Variants in PLEC observed in about 807,000 individuals in gnomAD.
PLEC encodes plectin.
PLEC carries 216 observed loss-of-function variants against 392.8 expected under a neutral mutation model. The observed-to-expected ratio is 0.55, with a 90% CI of 0.49 to 0.62. The LOEUF (loss-of-function observed/expected upper bound fraction) is 0.62. Ranked by LOEUF, PLEC falls within the 20% of genes least tolerant of loss-of-function variation. The pLI, the probability that PLEC is intolerant of heterozygous loss-of-function variation, is 0.00. For missense variants in PLEC, 6,863 were observed against 6,563.4 expected (o/e 1.05, Z -1.58); for synonymous variants, 3,621 against 2,980.6 (o/e 1.21, Z -7.00).
chr8:143,923,011 G>A lies in PLEC; in HGVS notation c.6918C>T (p.Ala2306=), dbSNP rs782163766. ...TCTCCTTGAGCATCTTCTCTGCCAA[G>A]GCCCGCTGCTGTGCCAGGTCCTCCT... ...LAEEDLAQQR[A]LAEKMLKEKM... is the part of the protein sequence containing the mutation. Residue 2306 remains alanine, a synonymous_variant, in exon 31 of 32, where the codon GCC becomes GCT. Transcript: ENST00000345136. 2.0e-5 allele frequency: 32 copies of A among 1,611,666 alleles called. No homozygotes were observed. Among genetic ancestry groups the A allele is most frequent in the African/African-American group, 1.3e-4 (10 of 74,822 alleles).
intron 1 of PLEC, among the ~76,000 whole-genome samples, chr8:143,949,157 C>T (rs1831835650): frequency 6.6e-6 from 1 of 152,226 alleles, no homozygotes; most frequent in Non-Finnish European, 1.5e-5. Context: ...CCCACACGGG[C>T]AGCTGCGCCC....
At chr8:143,950,698 G>C in exon 1 of PLEC, 1 of 1,563,128 alleles carries the variant, frequency 6.4e-7, no homozygotes, top group Non-Finnish European at 8.6e-7. Context: ...TGAGCATGCC[G>C]GCCACCATGG....
At chr8:143,942,621 CTCCACCTCT>C (rs1434891896), upstream of PLEC, 16 of 1,335,296 alleles carry the variant, frequency 1.2e-5, no homozygotes, top group Admixed American at 3.8e-4. Context: ...CGGCTTCGCT[CTCCACCTCT>C]TCCACCTCCC....
chr8:143,972,884 C>A (rs930959140), intron 1 of PLEC, among the ~76,000 whole-genome samples: 2 of 152,214 alleles, frequency 1.3e-5, no homozygotes, highest in Non-Finnish European at 2.9e-5. Flanking sequence ...GACCCCTAGC[C>A]CACAGCTGTC....
In PLEC at chr8:143,938,083, G is replaced by A. The variant is rs1829522633; in HGVS notation, c.264+68C>T. 4.4e-6 allele frequency: 5 copies of A among 1,144,478 alleles called. No homozygotes were observed. In the East Asian group the frequency reaches 1.2e-4, roughly 28 times the overall value. 70.9% of individuals were successfully genotyped at this position (1,144,478 alleles called of 1,614,324 possible). ...GAGTGGGCGGCCGGAGAGGCCCCAA[G>A]GAGGGAAGGCAGGCAGAGGTCTCCA... is the stretch of plus-strand genomic sequence containing the variant. On this transcript the variant is annotated intron_variant, in intron 3 of 31. Transcript: ENST00000345136.
chr8:143,916,712 G>C lies in PLEC; in HGVS notation c.13109C>G (p.Ala4370Gly). Residue 4370 changes from alanine to glycine, a missense_variant, in exon 32 of 32, where the codon GCC becomes GGC. Ala to Gly is a moderately conservative substitution (Grantham distance 60, BLOSUM62 0). Coordinates refer to ENST00000345136, the MANE Select transcript of PLEC (RefSeq NM_201384.3). ...CCAGCCCTTCTTCAGGGCCTGGGCGGCCGACATCTTGGTCTTGGTGCGTGG... is the reference window on the plus strand; with the variant it reads ...CCAGCCCTTCTTCAGGGCCTGGGCGCCCGACATCTTGGTCTTGGTGCGTGG... ...EDPRTKTKMS[A>G]AQALKKGWLY... The C allele has an allele frequency of 1.2e-6, 2 of 1,612,864 alleles. No homozygotes were observed. Among genetic ancestry groups the C allele is most frequent in the Non-Finnish European group, 8.5e-7 (1 of 1,179,902 alleles).
At position 143,924,066 on chromosome 8, in the gene PLEC, C is replaced by T. The variant is rs200374705; in HGVS notation, c.5863G>A (p.Ala1955Thr). The T allele has an allele frequency of 6.4e-5, 102 of 1,597,778 alleles. No individual in the cohort carries two copies. In the East Asian group the frequency reaches 1.8e-3, roughly 28 times the overall value. ...TCCTTGCTGCGCAGCGTGTCCTCCG[C>T]GTTGCTGCGGATGCGTCCCAGCTCC... ...ELELGRIRSN[A>T]EDTLRSKEQA... The change falls in exon 31 of 32, where the codon GCG (alanine) becomes ACG (threonine). Residue 1955 changes from alanine to threonine, a missense_variant. Coordinates refer to ENST00000345136, the MANE Select transcript of PLEC (RefSeq NM_201384.3).
chr8:143,921,291 C>T lies in PLEC; in HGVS notation c.8530G>A (p.Ala2844Thr). The T allele has an allele frequency of 1.2e-5, 20 of 1,614,048 alleles. No homozygotes were observed. Among genetic ancestry groups the T allele is most frequent in the Non-Finnish European group, 1.7e-5 (20 of 1,180,032 alleles). Reference sequence around the variant, plus strand: ...CCCTTGGTGTCGTCGCTGGGGTCCGCCAGGACGCGGTTCATCTCCTCGTCG... The same window carrying T: ...CCCTTGGTGTCGTCGCTGGGGTCCGTCAGGACGCGGTTCATCTCCTCGTCG... Reference protein sequence around the residue: ...YFDEEMNRVLADPSDDTKGFF... With the variant: ...YFDEEMNRVLTDPSDDTKGFF... The change falls in exon 32 of 32, where the codon GCG (alanine) becomes ACG (threonine). Residue 2844 changes from alanine (A) to threonine (T), a missense_variant. By Grantham distance (58) the Ala-to-Thr change is moderately conservative (BLOSUM62 0). Transcript: ENST00000345136.
Position 143,917,222 on chromosome 8 carries a change from C to G in PLEC, c.12599G>C (p.Gly4200Ala). Reference protein sequence around the residue: ...VKSMIIDRRSGRQYDIDDAIA... With the variant: ...VKSMIIDRRSARQYDIDDAIA... ...GGCATCATCGATGTCGTACTGGCGC[C>G]CGGAGCGGCGGTCGATGATCATGGA... Residue 4200 changes from glycine to alanine, a missense_variant, in exon 32 of 32, where the codon GGG becomes GCG. Physicochemically the swap from Gly to Ala is moderately conservative, Grantham distance 60 (BLOSUM62 0). Transcript: ENST00000345136. 1 of 1,613,010 alleles carries G rather than the reference C, an allele frequency of 6.2e-7. No individual in the cohort carries two copies. The highest frequency in any genetic ancestry group is 1.1e-5 in the South Asian group (1 of 91,086).
upstream of PLEC, among the ~76,000 whole-genome samples, chr8:143,952,018 G>A (rs1167138133): frequency 6.6e-6 from 1 of 152,184 alleles, no homozygotes; most frequent in South Asian, 2.1e-4. Context: ...CACCAAGCCC[G>A]GCAAACCCGG....
At chr8:143,958,668 T>A (rs1554739923), upstream of PLEC, 2 of 454,634 alleles carry the variant, frequency 4.4e-6, no homozygotes, top group Non-Finnish European at 8.9e-6. This position sits in a 1 kb window ranked among gnomAD's most constrained non-coding sequence, Gnocchi z 4.9. Flanking sequence ...GCCGCTGCCC[T>A]CTGGAGGCCC....
rs1554687458 is a variant in PLEC at position 143,921,872 on chromosome 8, C to T, written c.7949G>A (p.Arg2650Gln). 4.4e-6 allele frequency: 7 copies of T among 1,601,762 alleles called. No homozygotes were observed. Among genetic ancestry groups the T allele is most frequent in the Admixed American group, 1.7e-5 (1 of 59,960 alleles). ...CAGCCTCTGAGCTGACACCTTCCGC[C>T]GCAGGCCATCGAAGCTGTGCTCCGG... ...AEPEHSFDGL[R>Q]RKVSAQRLQE... The change falls in exon 32 of 32, where the codon CGG becomes CAG. Residue 2650 changes from arginine to glutamine, a missense_variant. Arg to Gln is a conservative substitution (Grantham distance 43, BLOSUM62 1). Transcript: ENST00000345136.
chr8:143,917,326 G>A lies in PLEC; in HGVS notation c.12495C>T (p.His4165=), dbSNP rs782564756. 1.7e-5 allele frequency: 28 copies of A among 1,609,808 alleles called. No individual in the cohort carries two copies. The highest frequency in any genetic ancestry group is 2.4e-5 in the Non-Finnish European group (28 of 1,179,718). ...YEAYRKGLID[H]QTYLELSEQE... is the part of the protein sequence containing the mutation. ...GCTCGGACAGCTCCAGGTACGTCTG[G>A]TGGTCAATCAGGCCCTTGCGGTAGG... The change falls in exon 32 of 32, where the codon CAC becomes CAT. Residue 4165 remains histidine, a synonymous_variant. Transcript: ENST00000345136.
At chr8:143,956,443 C>G (rs1290476799), upstream of PLEC, among the ~76,000 whole-genome samples, 1 of 152,180 alleles carries the variant, frequency 6.6e-6, no homozygotes, top group South Asian at 2.1e-4. Flanking sequence ...TGGCCTGGGC[C>G]TGTGGTCCCA....
At chr8:143,942,265 A>C, upstream of PLEC, 1 of 1,128,290 alleles carries the variant, frequency 8.9e-7, no homozygotes, top group Admixed American at 2.1e-5. Flanking sequence ...CTCGGGGGCA[A>C]GGCTGCACCG....
At chr8:143,943,884 G>T (rs781793304), upstream of PLEC, 1 of 1,611,260 alleles carries the variant, frequency 6.2e-7, no homozygotes, top group Non-Finnish European at 8.5e-7. Context: ...CTGCCCGAGG[G>T]CTCCATAGCC....
chr8:143,935,991 C>T lies in PLEC; in HGVS notation c.459G>A (p.Gly153=). The T allele has an allele frequency of 6.2e-7, 1 of 1,612,508 alleles. No individual in the cohort carries two copies. Among genetic ancestry groups the T allele is most frequent in the Non-Finnish European group, 8.5e-7 (1 of 1,179,952 alleles). ...HFQISDIQVS[G]QSEDMTAKEK... is the part of the protein sequence containing the mutation. ...CCTTGGCCGTCATGTCCTCCGACTG[C>T]CCACTCACCTGGATATCTGAGATCT... is the stretch of plus-strand genomic sequence containing the variant. Residue 153 remains glycine, a synonymous_variant, in exon 6 of 32, where the codon GGG becomes GGA. Transcript: ENST00000345136.
rs782403846 is a variant in PLEC at position 143,923,530 on chromosome 8, C to CGCCTGTGCCTGAGCCCGG, written c.6381_6398dup (p.Arg2128_Ala2133dup). ...CCTCCTTGCGCAGCTTCTCTGCAGC[C>CGCCTGTGCCTGAGCCCGG]GCCTGTGCCTGAGCCCGGGCCTGTG... On this transcript the variant is annotated inframe_insertion, in exon 31 of 32. Coordinates refer to ENST00000345136, the MANE Select transcript of PLEC (RefSeq NM_201384.3). The CGCCTGTGCCTGAGCCCGG allele has an allele frequency of 1.4e-5, 22 of 1,599,968 alleles. No homozygotes were observed. Among genetic ancestry groups the CGCCTGTGCCTGAGCCCGG allele is most frequent in the Non-Finnish European group, 1.9e-5 (22 of 1,178,464 alleles).
chr8:143,936,135 A>G, intron 5 of PLEC, 121 bp from the exon 6 acceptor site: 1 of 1,138,282 alleles, frequency 8.8e-7, no homozygotes. Context: ...TGGGGCCACC[A>G]AACCAGCCAG....
Sources: allele counts gnomAD v4.1 joint callset (sites outside exome capture counted in the v4.1 genomes callset), GRCh38; gene constraint gnomAD v4.1.1; non-coding constraint Gnocchi (gnomAD v3.1); transcripts MANE v1.5; gene names NCBI Gene and HGNC (gene_info 2026-07-23, HGNC 2026-07-21).